The following SLC26A4 variants were observed in gnomAD, a reference collection of about 807,000 sequenced individuals.
The protein encoded by SLC26A4 is solute carrier family 26 member 4.
In SLC26A4, 93 loss-of-function variants were observed where a neutral mutation model predicts 90.4. That is an observed-to-expected ratio of 1.03 (90% CI 0.87 to 1.22). The LOEUF (loss-of-function observed/expected upper bound fraction) is 1.22, where lower values mean the gene tolerates loss of function less well. Ranked by LOEUF, SLC26A4 falls within the 50% of genes most tolerant of loss-of-function variation. SLC26A4 has a pLI of 0.00. For synonymous variants in SLC26A4, 393 were observed against 354.6 expected (o/e 1.11, Z -1.22); for missense variants, 1,127 against 946.2 (o/e 1.19, Z -2.51).
chr7:107,689,092 G>T lies in SLC26A4; in HGVS notation c.1041G>T (p.Ser347=), dbSNP rs140778437. The stretch of plus-strand genomic sequence containing the variant: ...AACTTCCACCTGTGAGCTTGTTCTC[G>T]GAGATGCTGGCTGCATCATTTTCCA... The part of the protein sequence containing the change: ...PPELPPVSLF[S]EMLAASFSIA... Residue 347 remains serine (S), a synonymous_variant, in exon 9 of 21, where the codon TCG becomes TCT. Transcript: ENST00000644269. The T allele has an allele frequency of 6.2e-7, 1 of 1,613,870 alleles. No individual in the cohort carries two copies.
chr7:107,709,937 A>C (rs1160804516), intron 18 of SLC26A4, 117 bp from the exon 19 acceptor site: 2 of 788,364 alleles, frequency 2.5e-6, no homozygotes, highest in Non-Finnish European at 4.3e-6. Context: ...CGGAGGTTGC[A>C]GTGAGCAATG....
chr7:107,715,442 C>A lies in SLC26A4; in HGVS notation c.2339C>A (p.Ser780Tyr). ...CCACAGGCTATGCGTACACTTGCAT[C>A]CTGAAAGTGGGTTCGGGAGGTCTCT... ...VQDEAMRTLA[S>Y] The change falls in exon 21 of 21, where the codon TCC becomes TAC. Residue 780 changes from serine to tyrosine, a missense_variant. Ser to Tyr is a moderately radical substitution (Grantham distance 144). Coordinates refer to ENST00000644269, the MANE Select transcript of SLC26A4 (RefSeq NM_000441.2). 6.2e-7 allele frequency: 1 copy of A among 1,612,870 alleles called. No individual in the cohort carries two copies. Among genetic ancestry groups the A allele is most frequent in the South Asian group, 1.1e-5 (1 of 91,046 alleles).
chr7:107,683,566 T>C (rs373282642), intron 8 of SLC26A4, 29 bp downstream of exon 8: 8 of 1,534,536 alleles, frequency 5.2e-6, no homozygotes, highest in Admixed American at 1.7e-5. Flanking sequence ...TTAGTACTAA[T>C]ACATTAAGTC....
Position 107,661,445 on chromosome 7 carries a change from CT to C in SLC26A4, c.-3-193del. ...GACCCGAAGGTTCTCAGGTGCCCCC[CT>C]GCAGGCTGGCCGTGCGCGCCGTGGG... is the stretch of plus-strand genomic sequence containing the variant. On this transcript the variant is annotated intron_variant, in intron 1 of 20. Coordinates refer to ENST00000644269, the MANE Select transcript of SLC26A4 (RefSeq NM_000441.2). This position sits in a 1 kb window ranked among gnomAD's most constrained non-coding sequence, Gnocchi z 5.1. 1.5e-6 allele frequency: 1 copy of C among 651,314 alleles called. No homozygotes were observed. The highest frequency in any genetic ancestry group is 2.7e-6 in the Non-Finnish European group (1 of 371,170). 40.3% of individuals were successfully genotyped at this position (651,314 alleles called of 1,614,324 possible). A position where few individuals can be genotyped will look rare whatever the true frequency, so the allele number is the denominator to read the frequency against.
intron 6 of SLC26A4, among the ~76,000 whole-genome samples, chr7:107,681,311 C>G (rs1791223364): frequency 6.6e-6 from 1 of 152,024 alleles, no homozygotes; most frequent in Non-Finnish European, 1.5e-5. Context: ...ATAGCTTCTC[C>G]CCCATTTCCT....
At chr7:107,715,290 A>G (rs1792317508) in intron 20 of SLC26A4, 133 bp from the exon 21 acceptor site, 1 of 797,272 alleles carries the variant, frequency 1.3e-6, no homozygotes, top group East Asian at 2.4e-5. Context: ...CCCTATTTCT[A>G]TTGTGATGAT....
chr7:107,714,867 G>A (rs976576268), intron 20 of SLC26A4, among the ~76,000 whole-genome samples: 2 of 152,028 alleles, frequency 1.3e-5, no homozygotes, highest in African/African-American at 4.8e-5. Context: ...CAAGAGCAGT[G>A]CCTTGTACAT....
intron 9 of SLC26A4, 138 bp from the exon 10 acceptor site, chr7:107,689,986 T>C (rs1487032746): frequency 5.5e-6 from 4 of 721,098 alleles, no homozygotes; most frequent in Non-Finnish European, 1.0e-5. Context: ...CAAGTACCTA[T>C]CACGGTAAAA....
chr7:107,661,631 G>T lies in SLC26A4; in HGVS notation c.-3-8G>T, dbSNP rs1003248250. 7.1e-6 allele frequency: 11 copies of T among 1,555,816 alleles called. No homozygotes were observed. The highest frequency in any genetic ancestry group is 1.4e-5 in the African/African-American group (1 of 73,916). ...TGTCCTCCCTCCTCGCTGTCCTCTG[G>T]CTCGCAGGTCATGGCAGCGCCAGGC... On this transcript the variant is annotated splice_region_variant and splice_polypyrimidine_tract_variant and intron_variant, in intron 1 of 20. Coordinates refer to ENST00000644269, the MANE Select transcript of SLC26A4 (RefSeq NM_000441.2). This position sits in a 1 kb window ranked among gnomAD's most constrained non-coding sequence, Gnocchi z 5.1.
At chr7:107,666,195 A>G (rs534383203) in intron 3 of SLC26A4, among the ~76,000 whole-genome samples, 1 of 152,162 alleles carries the variant, frequency 6.6e-6, no homozygotes, top group Non-Finnish European at 1.5e-5. Context: ...ATATACTGCA[A>G]TAGGGATTAA....
At chr7:107,692,813 C>A (rs1390245884) in intron 10 of SLC26A4, 1 of 152,172 alleles carries the variant, frequency 6.6e-6, no homozygotes, top group East Asian at 1.9e-4. Flanking sequence ...ATAAAGTCTA[C>A]AGAGTTTCTC....
intron 6 of SLC26A4, among the ~76,000 whole-genome samples, chr7:107,682,132 T>TAAAAAAAAAAAAAA (rs1562828616): frequency 9.3e-6 from 1 of 107,348 alleles, no homozygotes; most frequent in Non-Finnish European, 2.0e-5. Flanking sequence ...AAAAAAAAAT[T>TAAAAAAAAAAAAAA]TTTTTTATGT....
intron 14 of SLC26A4, among the ~76,000 whole-genome samples, chr7:107,699,610 G>A (rs1370415028): frequency 1.3e-5 from 2 of 152,036 alleles, no homozygotes; most frequent in African/African-American, 2.4e-5. Context: ...AAGAGTTTTT[G>A]TAACCTGTTG....
At chr7:107,673,330 T>C (rs902927274) in intron 4 of SLC26A4, among the ~76,000 whole-genome samples, 2 of 152,128 alleles carry the variant, frequency 1.3e-5, no homozygotes, top group Non-Finnish European at 2.9e-5. Flanking sequence ...TGACATTTGA[T>C]ATGAAAAAAT....
chr7:107,669,889 G>A (rs1036503938), intron 3 of SLC26A4, among the ~76,000 whole-genome samples: 2 of 152,142 alleles, frequency 1.3e-5, no homozygotes, highest in Admixed American at 1.3e-4. Flanking sequence ...TGAAATGTCT[G>A]GAAATAATAA....
intron 3 of SLC26A4, among the ~76,000 whole-genome samples, chr7:107,666,850 C>T (rs377009304): frequency 2.0e-5 from 3 of 152,244 alleles, no homozygotes; most frequent in Admixed American, 1.3e-4. Flanking sequence ...AACTCATTTG[C>T]CTCACCCTAT....
chr7:107,674,369 A>T (rs550803526), intron 5 of SLC26A4, 21 bp downstream of exon 5: 30 of 1,511,648 alleles, frequency 2.0e-5, no homozygotes, highest in Admixed American at 1.0e-4. Context: ...TACAAGTAAA[A>T]TATAGATGGA....
intron 6 of SLC26A4, among the ~76,000 whole-genome samples, 159 bp downstream of exon 6, chr7:107,675,268 C>T (rs1394874903): frequency 1.6e-5 from 2 of 121,442 alleles, no homozygotes; most frequent in Admixed American, 1.1e-4. Flanking sequence ...GAGTTTGAGA[C>T]GTGAGACCTC....
In SLC26A4 at chr7:107,683,201, G is replaced by A; in HGVS notation, c.766-1G>A. ...TATATAAAATTATTTTCTTTTTATAGACGCTGGTTGAGATTTTTCAAAATA... is the reference window on the plus strand; with the variant it reads ...TATATAAAATTATTTTCTTTTTATAAACGCTGGTTGAGATTTTTCAAAATA... On this transcript the variant is annotated splice_acceptor_variant, in intron 6 of 20. Transcript: ENST00000644269. LOFTEE classifies it high-confidence loss of function. 6.2e-7 allele frequency: 1 copy of A among 1,610,336 alleles called. No individual in the cohort carries two copies. Among genetic ancestry groups the A allele is most frequent in the Non-Finnish European group, 8.5e-7 (1 of 1,178,408 alleles).
Sources: gnomAD v4.1 joint callset for allele counts (sites outside exome capture counted in the v4.1 genomes callset) on GRCh38, gnomAD v4.1.1 for gene constraint, Gnocchi (gnomAD v3.1) non-coding constraint, MANE v1.5 for transcripts, NCBI Gene and HGNC (gene_info 2026-07-23, HGNC 2026-07-21) for gene names.